The following HTRA3 variants were observed in gnomAD, a reference collection of about 807,000 sequenced individuals.
The protein encoded by HTRA3 is HtrA serine peptidase 3.
Under a neutral mutation model 43.2 loss-of-function variants are expected in HTRA3, and 41 were observed. The ratio of observed to expected loss-of-function variants is 0.95; its 90% CI spans 0.74 to 1.23. HTRA3 has a LOEUF of 1.23. HTRA3 is among the 50% of genes most tolerant of loss of function. The pLI is 0.00. For missense variants in HTRA3, 628 were observed against 647.1 expected, an observed-to-expected ratio of 0.97 and a Z score of 0.32; for synonymous variants, 295 against 287.9, an observed-to-expected ratio of 1.02 and a Z score of -0.25.
At chr4:8,301,121 ATT>A (rs1713634793) in intron 6 of HTRA3, among the ~76,000 whole-genome samples, 1 of 148,334 alleles carries the variant, frequency 6.7e-6, no homozygotes, top group East Asian at 2.0e-4. Context: ...TCTCAGCTTT[ATT>A]GAGTCACACT....
intron 3 of HTRA3, among the ~76,000 whole-genome samples, chr4:8,287,675 C>T (rs886951917): frequency 4.6e-5 from 7 of 152,112 alleles, no homozygotes; most frequent in African/African-American, 1.7e-4. Flanking sequence ...CCACCAGGCC[C>T]GTCCCCCAAC....
chr4:8,282,719 G>A (rs1437619630), intron 2 of HTRA3, among the ~76,000 whole-genome samples, 183 bp downstream of exon 2: 1 of 152,204 alleles, frequency 6.6e-6, no homozygotes, highest in Non-Finnish European at 1.5e-5. Flanking sequence ...GGACATCCCC[G>A]CTGAAGTGAC....
chr4:8,305,132 A>C (rs1483346504), intron 8 of HTRA3, among the ~76,000 whole-genome samples: 2 of 152,192 alleles, frequency 1.3e-5, no homozygotes, highest in Non-Finnish European at 2.9e-5. Flanking sequence ...CTCGGTCTTC[A>C]TCTGCAGTGG....
chr4:8,287,171 G>A (rs955684395), intron 3 of HTRA3, among the ~76,000 whole-genome samples: 1 of 152,188 alleles, frequency 6.6e-6, no homozygotes, highest in Non-Finnish European at 1.5e-5. Flanking sequence ...CTGCCGTGGG[G>A]AACACTTGGG....
At position 8,296,937 on chromosome 4, in the gene HTRA3, G is replaced by C. The variant is rs142861690; in HGVS notation, c.1051+2736G>C. On this transcript the variant is annotated intron_variant, in intron 6 of 8. Transcript: ENST00000307358. The surrounding 1 kb of genome is among the most constrained non-coding windows in gnomAD (Gnocchi z 5.3). ...GACATCACAGGATTCCTCGATCTCA[G>C]AGGCCACAGGGTTCCTTAGTCTCAG... is the stretch of plus-strand genomic sequence containing the variant. Among the ~76,000 whole-genome samples the C allele has an allele frequency of 3.5e-4, 54 of 152,242 alleles. 1 individual carries two copies. The highest frequency in any genetic ancestry group is 1.1e-3 in the African/African-American group (47 of 41,526).
chr4:8,271,553 G>A (rs879430166), intron 1 of HTRA3, among the ~76,000 whole-genome samples: 6 of 152,196 alleles, frequency 3.9e-5, no homozygotes, highest in African/African-American at 9.7e-5. Context: ...AGTCCACCTT[G>A]TGCTGGTACA....
intron 6 of HTRA3, among the ~76,000 whole-genome samples, chr4:8,299,519 A>G (rs2153006992): frequency 6.6e-6 from 1 of 152,280 alleles, no homozygotes; most frequent in East Asian, 1.9e-4. Flanking sequence ...ATATTGAATG[A>G]AAGGGGTAAG....
rs771812046 is a variant in HTRA3 at position 8,286,732 on chromosome 4, C to T, written c.657C>T (p.Ile219=). 1 of 1,614,150 alleles carries T rather than the reference C, an allele frequency of 6.2e-7. No individual in the cohort carries two copies. Among genetic ancestry groups the T allele is most frequent in the Non-Finnish European group, 8.5e-7 (1 of 1,180,018 alleles). The change falls in exon 3 of 9, where the codon ATC becomes ATT. Residue 219 remains isoleucine (I), a synonymous_variant. Transcript: ENST00000307358. The surrounding 1 kb of genome is among the most constrained non-coding windows in gnomAD (Gnocchi z 4.9). The part of the protein sequence containing the change: ...LQNGDSYEAT[I]KDIDKKSDIA... ...ATGGGGACTCCTATGAGGCCACCAT[C>T]AAAGACATCGACAAGAAGTCGGACA...
At chr4:8,289,416 C>T (rs757916792) in intron 3 of HTRA3, among the ~76,000 whole-genome samples, 26 of 152,222 alleles carry the variant, frequency 1.7e-4, no homozygotes, top group Non-Finnish European at 3.1e-4. Flanking sequence ...CAATGGACAG[C>T]GTTTGGGCCT....
chr4:8,305,619 C>T (rs1210751800), intron 8 of HTRA3, among the ~76,000 whole-genome samples: 1 of 152,214 alleles, frequency 6.6e-6, no homozygotes, highest in East Asian at 1.9e-4. Flanking sequence ...ACAGCAGAAC[C>T]TACTCCTGGG....
intron 7 of HTRA3, among the ~76,000 whole-genome samples, chr4:8,303,057 G>A (rs934947588): frequency 5.9e-5 from 9 of 152,190 alleles, no homozygotes; most frequent in Non-Finnish European, 8.8e-5. Flanking sequence ...AAACCAAGAA[G>A]GTCTCTTCTC....
chr4:8,272,283 C>A (rs868572951), intron 1 of HTRA3, among the ~76,000 whole-genome samples: 17 of 152,254 alleles, frequency 1.1e-4, no homozygotes, highest in Middle Eastern at 6.8e-3. Flanking sequence ...ATGTAGCAGA[C>A]CCTGTTGGTG....
chr4:8,296,388 C>T lies in HTRA3; in HGVS notation c.1051+2187C>T. ...AGCCTGATAAACCTTAGCTGCATGG[C>T]ACACTTGCAATTTTAAAATCCTTCT... On this transcript the variant is annotated intron_variant, in intron 6 of 8. Transcript: ENST00000307358. This position sits in a 1 kb window ranked among gnomAD's most constrained non-coding sequence, Gnocchi z 5.3. 1.0e-6 allele frequency: 1 copy of T among 985,482 alleles called. No homozygotes were observed. The highest frequency in any genetic ancestry group is 1.2e-6 in the Non-Finnish European group (1 of 829,954). The allele number at this position is 985,482 out of a possible 1,614,324, so 61.0% of individuals were successfully genotyped here.
intron 4 of HTRA3, 90 bp from the exon 5 acceptor site, chr4:8,292,231 C>G (rs1713275242): frequency 8.8e-7 from 1 of 1,130,560 alleles, no homozygotes. Flanking sequence ...TTATGTGTCT[C>G]TGCACTGGTT....
chr4:8,284,529 G>A (rs1238672138), intron 2 of HTRA3, among the ~76,000 whole-genome samples: 1 of 152,240 alleles, frequency 6.6e-6, no homozygotes, highest in Admixed American at 6.5e-5. Flanking sequence ...TGAGGTCTGA[G>A]TGTGGGCATG....
intron 1 of HTRA3, among the ~76,000 whole-genome samples, chr4:8,273,725 C>T (rs1014933238): frequency 6.6e-5 from 10 of 152,086 alleles, no homozygotes; most frequent in African/African-American, 2.2e-4. Context: ...CGATCCCCTC[C>T]GTCCCTCCGC....
At position 8,306,123 on chromosome 4, in the gene HTRA3, A is replaced by C. The variant is rs1216971712; in HGVS notation, c.1349A>C (p.Glu450Ala). ...NDDLLFSIAP[E>A]VVM ...GACCTCCTCTTCAGCATCGCACCTG[A>C]GGTGGTCATGTGAGGGGCGCATTCC... Residue 450 changes from glutamate to alanine, a missense_variant, in exon 9 of 9, where the codon GAG (glutamate) becomes GCG (alanine). Transcript: ENST00000307358. The surrounding 1 kb of genome is among the most constrained non-coding windows in gnomAD (Gnocchi z 8.9). 6.3e-7 allele frequency: 1 copy of C among 1,586,776 alleles called. No homozygotes were observed. The highest frequency in any genetic ancestry group is 1.1e-5 in the South Asian group (1 of 87,864).
At chr4:8,275,498 C>CA (rs1712482952) in intron 1 of HTRA3, among the ~76,000 whole-genome samples, 1 of 152,210 alleles carries the variant, frequency 6.6e-6, no homozygotes. Flanking sequence ...AATGACAATG[C>CA]ATGGAGCCCA....
chr4:8,277,095 A>T (rs1401784421), intron 1 of HTRA3, among the ~76,000 whole-genome samples: 1 of 152,020 alleles, frequency 6.6e-6, no homozygotes, highest in Non-Finnish European at 1.5e-5. Flanking sequence ...TTCCACATGA[A>T]CAGGTCTCTG....
Sources: allele counts gnomAD v4.1 joint callset (sites outside exome capture counted in the v4.1 genomes callset), GRCh38; gene constraint gnomAD v4.1.1; non-coding constraint Gnocchi (gnomAD v3.1); transcripts MANE v1.5; gene names NCBI Gene and HGNC (gene_info 2026-07-23, HGNC 2026-07-21).